The following AJAP1 variants were observed in gnomAD, a reference collection of about 807,000 sequenced individuals.
AJAP1 encodes the protein adherens junctions associated protein 1.
In AJAP1, 5 loss-of-function variants were observed where a neutral mutation model predicts 35.0. The ratio of observed to expected loss-of-function variants is 0.14; its 90% CI spans 0.07 to 0.30. The LOEUF is 0.30. Ranked by LOEUF, AJAP1 falls within the 10% of genes least tolerant of loss-of-function variation. AJAP1 has a pLI of 1.00. For synonymous variants in AJAP1, 284 were observed against 249.3 expected (o/e 1.14, Z -1.31); for missense variants, 586 against 571.0 (o/e 1.03, Z -0.27).
Position 4,721,797 on chromosome 1 carries a change from T to C in AJAP1, c.829+9098T>C, listed in dbSNP as rs150017341. Reference sequence around the variant, plus strand: ...GTGATGGATTTTGTGACACTCCCTTTACACACTGCCAATGCACCTTGCAGA... The same window carrying C: ...GTGATGGATTTTGTGACACTCCCTTCACACACTGCCAATGCACCTTGCAGA... On this transcript the variant is annotated intron_variant, in intron 2 of 5. Coordinates refer to ENST00000378191, the MANE Select transcript of AJAP1 (RefSeq NM_018836.4). 1.8e-4 allele frequency among the ~76,000 whole-genome samples: 28 copies of C among 152,332 alleles called. 2 individuals carry two copies. In the East Asian group the frequency reaches 4.2e-3, roughly 23 times the overall value.
intron 1 of AJAP1, among the ~76,000 whole-genome samples, chr1:4,669,380 TC>T (rs1314048867): frequency 1.3e-5 from 2 of 152,172 alleles, no homozygotes; most frequent in Non-Finnish European, 2.9e-5. Context: ...GACTCACAGT[TC>T]CGCATGGCTG....
At chr1:4,762,905 C>T (rs1485383195) in intron 2 of AJAP1, among the ~76,000 whole-genome samples, 2 of 152,206 alleles carry the variant, frequency 1.3e-5, no homozygotes, top group African/African-American at 4.8e-5. Flanking sequence ...CTTGGGGTGA[C>T]TCCATGTTAT....
rs143307246 is a variant in AJAP1 at position 4,741,231 on chromosome 1, G to A, written c.829+28532G>A. Among the ~76,000 whole-genome samples the A allele has an allele frequency of 1.1e-3, 165 of 152,276 alleles. 3 individuals are homozygous for A. Among genetic ancestry groups the A allele is most frequent in the African/African-American group, 3.7e-3 (153 of 41,550 alleles). ...GTCATCCGAGTGTCCTGGAGCTGCC[G>A]CAAGGAAGGACCACAGACCAGGTGA... On this transcript the variant is annotated intron_variant, in intron 2 of 5. Transcript: ENST00000378191.
At chr1:4,705,316 C>T (rs1345082880) in intron 1 of AJAP1, among the ~76,000 whole-genome samples, 1 of 141,156 alleles carries the variant, frequency 7.1e-6, no homozygotes, top group African/African-American at 2.6e-5. Flanking sequence ...CCATTCAGGA[C>T]ATAGGCATGG....
rs1034186275 is a variant in AJAP1, at chr1:4,790,881, G to A, written c.*8396G>A. The A allele has an allele frequency of 8.5e-5, 13 of 152,166 alleles. No homozygotes were observed. The highest frequency in any genetic ancestry group is 2.9e-4 in the African/African-American group (12 of 41,442). The allele number at this position is 152,166 out of a possible 1,614,324, so 9.4% of individuals were successfully genotyped here. Reference sequence around the variant, plus strand: ...GGCAGAAACATGTGCCTAGTTTGCAGCACCAAATACTGGTCTTCTCAGAAG... The same window carrying A: ...GGCAGAAACATGTGCCTAGTTTGCAACACCAAATACTGGTCTTCTCAGAAG... On this transcript the variant is annotated 3_prime_UTR_variant, in exon 6 of 6. Transcript: ENST00000378191.
At chr1:4,729,492 A>G (rs1640750058) in intron 2 of AJAP1, among the ~76,000 whole-genome samples, 1 of 126,726 alleles carries the variant, frequency 7.9e-6, no homozygotes, top group Admixed American at 8.5e-5. Context: ...CTCTGCTGAC[A>G]GTTGCTCGTT....
At chr1:4,680,528 C>T (rs537755799) in intron 1 of AJAP1, among the ~76,000 whole-genome samples, 1 of 152,304 alleles carries the variant, frequency 6.6e-6, no homozygotes, top group African/African-American at 2.4e-5. Context: ...AGCCGGCTTT[C>T]TTTCTTTTCT....
chr1:4,703,555 G>C, intron 1 of AJAP1, among the ~76,000 whole-genome samples: 1 of 152,288 alleles, frequency 6.6e-6, no homozygotes, highest in Middle Eastern at 3.4e-3. Flanking sequence ...TAGGGATAAC[G>C]AGGCCATTTT....
intron 1 of AJAP1, among the ~76,000 whole-genome samples, chr1:4,699,401 T>G (rs898124008): frequency 3.9e-5 from 6 of 152,198 alleles, no homozygotes; most frequent in Non-Finnish European, 7.3e-5. Context: ...CATACCGAGT[T>G]TCGTAAATAC....
At chr1:4,708,544 G>T (rs1309457027) in intron 1 of AJAP1, among the ~76,000 whole-genome samples, 1 of 152,232 alleles carries the variant, frequency 6.6e-6, no homozygotes, top group African/African-American at 2.4e-5. Flanking sequence ...TCAGTGAGAA[G>T]AGTATTCCCA....
chr1:4,711,885 T>C lies in AJAP1; in HGVS notation c.30-15T>C. On this transcript the variant is annotated splice_polypyrimidine_tract_variant and intron_variant, in intron 1 of 5. Transcript: ENST00000378191. ...CTTCCACTGACCGCTCTTCTCTCCTTTCCCCCCCGCACAGCTCCATGTCCA... is the reference window on the plus strand; with the variant it reads ...CTTCCACTGACCGCTCTTCTCTCCTCTCCCCCCCGCACAGCTCCATGTCCA... 6.9e-7 allele frequency: 1 copy of C among 1,448,102 alleles called. No homozygotes were observed. The highest frequency in any genetic ancestry group is 9.1e-7 in the Non-Finnish European group (1 of 1,100,332). 89.7% of individuals were successfully genotyped at this position (1,448,102 alleles called of 1,614,324 possible). A position where few individuals can be genotyped will look rare whatever the true frequency, so the allele number is the denominator to read the frequency against.
intron 2 of AJAP1, among the ~76,000 whole-genome samples, chr1:4,733,274 C>G (rs370371567): frequency 6.6e-6 from 1 of 151,872 alleles, no homozygotes; most frequent in African/African-American, 2.4e-5. Context: ...GTCAGTGTCA[C>G]GGGGAGCCGT....
At chr1:4,778,779 T>A (rs1417152755) in intron 5 of AJAP1, among the ~76,000 whole-genome samples, 1 of 152,168 alleles carries the variant, frequency 6.6e-6, no homozygotes, top group African/African-American at 2.4e-5. Flanking sequence ...TGTCTGTGGC[T>A]CCCTGCATCA....
At chr1:4,778,454 G>A (rs1318712430) in intron 5 of AJAP1, among the ~76,000 whole-genome samples, 1 of 152,184 alleles carries the variant, frequency 6.6e-6, no homozygotes, top group African/African-American at 2.4e-5. Context: ...GACAACATGA[G>A]AGCCTCCTCC....
rs994283495 is a variant in AJAP1 at position 4,782,769 on chromosome 1, AGAAAG to A, written c.*290_*294del. 9 of 398,556 alleles carry A rather than the reference AGAAAG, an allele frequency of 2.3e-5. No individual in the cohort carries two copies. The highest frequency in any genetic ancestry group is 1.4e-4 in the African/African-American group (7 of 48,640). 24.7% of individuals were successfully genotyped at this position (398,556 alleles called of 1,614,324 possible). Reference sequence around the variant, plus strand: ...GAGTTTTCTTTGGAGAACAGAAAGAAGAAAGGAAAGAAAGGAACCAGAGGCAGAGA... The same window carrying A: ...GAGTTTTCTTTGGAGAACAGAAAGAAGAAAGAAAGGAACCAGAGGCAGAGA... On this transcript the variant is annotated 3_prime_UTR_variant, in exon 6 of 6. Coordinates refer to ENST00000378191, the MANE Select transcript of AJAP1 (RefSeq NM_018836.4). The surrounding 1 kb of genome is among the most constrained non-coding windows in gnomAD (Gnocchi z 5.3).
chr1:4,665,730 C>T (rs1341798489), intron 1 of AJAP1, among the ~76,000 whole-genome samples: 2 of 152,172 alleles, frequency 1.3e-5, no homozygotes, highest in African/African-American at 2.4e-5. Context: ...GACATCCAGA[C>T]ACTTTCATGC....
intron 2 of AJAP1, among the ~76,000 whole-genome samples, chr1:4,758,628 C>T (rs1641492957): frequency 6.6e-6 from 1 of 152,132 alleles, no homozygotes; most frequent in South Asian, 2.1e-4. Flanking sequence ...TTGGTCTCTC[C>T]CTTGACAAGT....
chr1:4,764,989 T>C (rs1278614663), intron 2 of AJAP1, among the ~76,000 whole-genome samples: 1 of 152,208 alleles, frequency 6.6e-6, no homozygotes, highest in Non-Finnish European at 1.5e-5. Flanking sequence ...CCCTATTGAT[T>C]GATGCAGAGC....
chr1:4,683,176 A>T lies in AJAP1; in HGVS notation c.29+27722A>T, dbSNP rs546132940. Among the ~76,000 whole-genome samples the T allele has an allele frequency of 2.0e-5, 3 of 152,326 alleles. No homozygotes were observed. The South Asian group carries it at 6.2e-4, about 32-fold the overall frequency. Reference sequence around the variant, plus strand: ...CCCCTTCTCTGTGCCTCACTCTCTCATCTGTAGAATGGGGTTAATAGCAAC... The same window carrying T: ...CCCCTTCTCTGTGCCTCACTCTCTCTTCTGTAGAATGGGGTTAATAGCAAC... On this transcript the variant is annotated intron_variant, in intron 1 of 5. Transcript: ENST00000378191.
Sources: gnomAD v4.1 joint callset for allele counts (sites outside exome capture counted in the v4.1 genomes callset) on GRCh38, gnomAD v4.1.1 for gene constraint, Gnocchi (gnomAD v3.1) non-coding constraint, MANE v1.5 for transcripts, NCBI Gene and HGNC (gene_info 2026-07-23, HGNC 2026-07-21) for gene names.